The following DCC variants were observed in gnomAD, a reference collection of about 807,000 sequenced individuals.
DCC encodes DCC netrin 1 receptor, also known as netrin receptor DCC.
A neutral mutation model predicts 172.5 loss-of-function variants in DCC; 58 were observed. That is an observed-to-expected ratio of 0.34 (90% CI 0.27 to 0.42). The LOEUF (loss-of-function observed/expected upper bound fraction) is 0.42. DCC is among the 10% of genes least tolerant of loss of function. The probability of loss-of-function intolerance (pLI) is 1.00; values close to 1 mark genes in which losing one functional copy is unlikely to be tolerated. For missense variants in DCC, 1,740 were observed against 1,791.0 expected, an observed-to-expected ratio of 0.97 and a Z score of 0.51; for synonymous variants, 709 against 644.5, an observed-to-expected ratio of 1.10 and a Z score of -1.52.
intron 5 of DCC, among the ~76,000 whole-genome samples, chr18:52,999,056 C>G (rs1417102409): frequency 2.0e-5 from 3 of 152,066 alleles, no homozygotes; most frequent in Admixed American, 6.6e-5. Context: ...GCTATGGACA[C>G]AGTGAGTATT....
intron 1 of DCC, among the ~76,000 whole-genome samples, chr18:52,746,533 A>G (rs2036908016): frequency 6.6e-6 from 1 of 152,182 alleles, no homozygotes; most frequent in Admixed American, 6.5e-5. Context: ...TATTGTAGAT[A>G]AAATGTCATA....
intron 1 of DCC, among the ~76,000 whole-genome samples, chr18:52,460,454 C>T (rs774545275): frequency 8.5e-5 from 13 of 152,102 alleles, no homozygotes; most frequent in Non-Finnish European, 1.9e-4. Context: ...TATTTCCATA[C>T]TGGTTGCTTT....
At chr18:53,032,318 A>G (rs2042035952) in intron 5 of DCC, among the ~76,000 whole-genome samples, 1 of 152,064 alleles carries the variant, frequency 6.6e-6, no homozygotes. Flanking sequence ...AAGAAAGATA[A>G]TTTTCTGGAA....
At chr18:52,450,663 G>T (rs1988274077) in intron 1 of DCC, among the ~76,000 whole-genome samples, 1 of 152,112 alleles carries the variant, frequency 6.6e-6, no homozygotes, top group Non-Finnish European at 1.5e-5. Context: ...CAAGCCTCAG[G>T]AAGATAGAAC....
At chr18:52,897,446 A>G (rs1211162482) in intron 2 of DCC, among the ~76,000 whole-genome samples, 5 of 152,334 alleles carry the variant, frequency 3.3e-5, no homozygotes, top group East Asian at 1.9e-4. Context: ...GCAATACTCT[A>G]TTCAAACATT....
chr18:52,693,835 C>A (rs2035968762), intron 1 of DCC, among the ~76,000 whole-genome samples: 1 of 151,978 alleles, frequency 6.6e-6, no homozygotes, highest in African/African-American at 2.4e-5. Flanking sequence ...GATTACAATT[C>A]ACAATATAAA....
chr18:52,491,203 C>T (rs1568195137), intron 1 of DCC, among the ~76,000 whole-genome samples: 1 of 151,998 alleles, frequency 6.6e-6, no homozygotes, highest in Non-Finnish European at 1.5e-5. Context: ...AGAACACCTG[C>T]AATATGTTGT....
intron 5 of DCC, among the ~76,000 whole-genome samples, chr18:52,991,315 A>G (rs2041388023): frequency 1.3e-5 from 2 of 152,132 alleles, no homozygotes; most frequent in Admixed American, 6.6e-5. Context: ...CAAACTTTTT[A>G]GAAGTATAGA....
chr18:53,445,764 A>G (rs995545336), intron 22 of DCC, among the ~76,000 whole-genome samples: 14 of 152,072 alleles, frequency 9.2e-5, no homozygotes, highest in African/African-American at 3.4e-4. Context: ...ACATTTTATC[A>G]TGTTCAAACA....
chr18:52,988,053 A>C (rs2041322994), intron 5 of DCC, among the ~76,000 whole-genome samples: 1 of 152,190 alleles, frequency 6.6e-6, no homozygotes, highest in Non-Finnish European at 1.5e-5. Context: ...TGGTTAATGA[A>C]TATTGTGCTT....
intron 25 of DCC, among the ~76,000 whole-genome samples, chr18:53,484,100 T>A (rs994380102): frequency 2.0e-5 from 3 of 151,916 alleles, no homozygotes; most frequent in African/African-American, 7.2e-5. Context: ...TCTCCCAAAT[T>A]ACATGCCAAA....
chr18:53,348,693 C>A (rs2057753125), intron 15 of DCC, among the ~76,000 whole-genome samples: 2 of 152,150 alleles, frequency 1.3e-5, no homozygotes, highest in African/African-American at 4.8e-5. Context: ...CTTCTGTGCA[C>A]TGGCAGGCTC....
At chr18:53,294,661 C>T (rs1462771988) in intron 12 of DCC, among the ~76,000 whole-genome samples, 1 of 152,094 alleles carries the variant, frequency 6.6e-6, no homozygotes, top group African/African-American at 2.4e-5. Context: ...GGGACTCACC[C>T]GGAAACAAGG....
At chr18:53,357,547 A>C (rs1172155610) in intron 15 of DCC, among the ~76,000 whole-genome samples, 1 of 152,228 alleles carries the variant, frequency 6.6e-6, no homozygotes, top group African/African-American at 2.4e-5. Flanking sequence ...CATGTAGAGA[A>C]CATTTATTAT....
intron 9 of DCC, among the ~76,000 whole-genome samples, chr18:53,186,287 C>A (rs1241880750): frequency 1.3e-5 from 2 of 152,138 alleles, no homozygotes; most frequent in Non-Finnish European, 2.9e-5. Flanking sequence ...GCAGCACGGT[C>A]AACTAGTCTA....
intron 1 of DCC, among the ~76,000 whole-genome samples, chr18:52,547,080 T>C (rs567398247): frequency 3.3e-5 from 5 of 152,278 alleles, no homozygotes; most frequent in Non-Finnish European, 7.4e-5. Flanking sequence ...TTCCTCATCA[T>C]TAAAATCATT....
At chr18:52,842,517 G>T (rs981921025) in intron 2 of DCC, among the ~76,000 whole-genome samples, 3 of 152,126 alleles carry the variant, frequency 2.0e-5, no homozygotes, top group African/African-American at 7.2e-5. Flanking sequence ...ATTGGGGAGG[G>T]TCATCTGCTC....
At chr18:53,194,085 G>T (rs1234077653) in intron 9 of DCC, among the ~76,000 whole-genome samples, 1 of 152,088 alleles carries the variant, frequency 6.6e-6, no homozygotes, top group Non-Finnish European at 1.5e-5. Context: ...TTATCACCAT[G>T]GGAAACACTC....
chr18:53,271,425 T>C (rs1382281568), intron 12 of DCC, among the ~76,000 whole-genome samples: 2 of 152,204 alleles, frequency 1.3e-5, no homozygotes, highest in African/African-American at 4.8e-5. Context: ...GCTGGGTGCC[T>C]GTGGCTCAGA....
Sources: allele counts gnomAD v4.1 joint callset (sites outside exome capture counted in the v4.1 genomes callset), GRCh38; gene constraint gnomAD v4.1.1; transcripts MANE v1.5; gene names NCBI Gene and HGNC (gene_info 2026-07-23, HGNC 2026-07-21).